Variants in LYSMD1 observed in about 807,000 individuals in gnomAD.
The protein encoded by LYSMD1 is LysM domain containing 1.
In LYSMD1, 9 loss-of-function variants were observed where a neutral mutation model predicts 19.3. That is an observed-to-expected ratio of 0.47 (90% CI 0.28 to 0.81). The LOEUF (loss-of-function observed/expected upper bound fraction) is 0.81, where lower values mean the gene tolerates loss of function less well. Ranked by LOEUF, LYSMD1 falls within the 40% of genes least tolerant of loss-of-function variation. The probability of loss-of-function intolerance (pLI) is 0.11; values close to 1 mark genes in which losing one functional copy is unlikely to be tolerated. For missense variants in LYSMD1, 262 were observed against 279.8 expected, an observed-to-expected ratio of 0.94 and a Z score of 0.45; for synonymous variants, 111 against 111.7, an observed-to-expected ratio of 0.99 and a Z score of 0.04.
downstream of LYSMD1, among the ~76,000 whole-genome samples, chr1:151,156,100 C>CAA (rs751524835): frequency 0.06 from 2,292 of 38,102 alleles, 346 homozygotes; most frequent in African/African-American, 0.1. Flanking sequence ...AACTCTGTCT[C>CAA]AAAAAAAAAA....
At chr1:151,155,432 C>T (rs587631148), downstream of LYSMD1, among the ~76,000 whole-genome samples, 114 of 152,346 alleles carry the variant, frequency 7.5e-4, no homozygotes, top group African/African-American at 2.6e-3. Flanking sequence ...GTTTTTGTCT[C>T]ATTCAACAAC....
chr1:151,162,204 A>C, intron 1 of LYSMD1, 104 bp from the exon 2 acceptor site: 1 of 1,117,714 alleles, frequency 8.9e-7, no homozygotes, highest in Non-Finnish European at 1.3e-6. Flanking sequence ...TTCCATAACA[A>C]CCAAGCTAAA....
chr1:151,161,002 T>C lies in LYSMD1; in HGVS notation c.564A>G (p.Ala188=). ...KGENGVPGED[A]GLHLSSPWMQ... is the part of the protein sequence containing the mutation. Reference sequence around the variant, plus strand: ...TCCAAGGGGAGCTCAGGTGGAGACCTGCATCCTCCCCAGGTACCCTGCAAT... The same window carrying C: ...TCCAAGGGGAGCTCAGGTGGAGACCCGCATCCTCCCCAGGTACCCTGCAAT... Residue 188 remains alanine, a synonymous_variant, in exon 3 of 3, where the codon GCA becomes GCG. Coordinates refer to ENST00000368908, the MANE Select transcript of LYSMD1 (RefSeq NM_212551.5). The C allele has an allele frequency of 6.2e-7, 1 of 1,614,038 alleles. No homozygotes were observed. Among genetic ancestry groups the C allele is most frequent in the South Asian group, 1.1e-5 (1 of 91,072 alleles).
At chr1:151,152,722 CAAACAAAA>C in the LYSMD1 span, among the ~76,000 whole-genome samples, 19 of 151,998 alleles carry the variant, frequency 1.3e-4, no homozygotes, top group East Asian at 1.9e-3. Context: ...ATAAATACCC[CAAACAAAA>C]AAAGAGTAAA....
downstream of LYSMD1, chr1:151,159,128 G>A (rs199843185): frequency 1.4e-5 from 22 of 1,614,006 alleles, no homozygotes; most frequent in Admixed American, 3.3e-5. Context: ...GGCCGCATCC[G>A]CCACGTGTTT....
chr1:151,165,692 G>A lies in LYSMD1; in HGVS notation c.-434C>T, dbSNP rs1683659717. 1.3e-6 allele frequency: 2 copies of A among 1,551,530 alleles called. No individual in the cohort carries two copies. On this transcript the variant is annotated 5_prime_UTR_variant, in exon 1 of 3. Coordinates refer to ENST00000368908, the MANE Select transcript of LYSMD1 (RefSeq NM_212551.5). ...TCAGGAACAAATCAGGCCCACCCCA[G>A]GTGAACTGTCGCCGCAGACGAAGAG... is the stretch of plus-strand genomic sequence containing the variant.
At chr1:151,156,625 G>A (rs1221116554), downstream of LYSMD1, 1 of 152,228 alleles carries the variant, frequency 6.6e-6, no homozygotes, top group Non-Finnish European at 1.5e-5. Context: ...GGCTCAAGGG[G>A]TGGGGCCAAG....
chr1:151,159,237 C>G (rs142224661), downstream of LYSMD1: 12 of 1,611,834 alleles, frequency 7.4e-6, no homozygotes, highest in African/African-American at 1.3e-5. Flanking sequence ...AGCTGCTAGA[C>G]GAAGGGAAGC....
chr1:151,164,678 CTG>C, intron 1 of LYSMD1, among the ~76,000 whole-genome samples: 1 of 152,162 alleles, frequency 6.6e-6, no homozygotes, highest in Non-Finnish European at 1.5e-5. Context: ...ATAAAATTTT[CTG>C]TGTGGTTAAT....
chr1:151,151,541 T>C, the LYSMD1 span, among the ~76,000 whole-genome samples: 2 of 151,868 alleles, frequency 1.3e-5, no homozygotes, highest in Non-Finnish European at 2.9e-5. Flanking sequence ...AATCTAGGTG[T>C]TCAACTCAGG....
chr1:151,165,586 C>T lies in LYSMD1; in HGVS notation c.-328G>A. ...TAGAAATAATCCTCAACACTCTTTC[C>T]TCAGTTTGCCCCCAAGTAGCCTGGC... On this transcript the variant is annotated 5_prime_UTR_variant, in exon 1 of 3. Transcript: ENST00000368908. 1.3e-6 allele frequency: 2 copies of T among 1,493,644 alleles called. No individual in the cohort carries two copies. The highest frequency in any genetic ancestry group is 2.6e-5 in the South Asian group (2 of 76,188). The allele number at this position is 1,493,644 out of a possible 1,614,324, so 92.5% of individuals were successfully genotyped here.
rs1683671663 is a variant in LYSMD1, at chr1:151,165,897, GAA to G, written c.-641_-640del. On this transcript the variant is annotated 5_prime_UTR_variant, in exon 1 of 3. Transcript: ENST00000368908. ...TCCAGTTGAGCGGCAAGGTCTTTGA[GAA>G]AAGACTTCATTTCCCAAAAGGCTCC... The G allele has an allele frequency of 2.1e-6, 2 of 962,622 alleles. No homozygotes were observed. Among genetic ancestry groups the G allele is most frequent in the South Asian group, 2.8e-5 (2 of 70,648 alleles). 59.6% of individuals were successfully genotyped at this position (962,622 alleles called of 1,614,324 possible).
chr1:151,162,013 G>C lies in LYSMD1; in HGVS notation c.268C>G (p.Pro90Ala), dbSNP rs1162378461. 6.2e-7 allele frequency: 1 copy of C among 1,613,660 alleles called. No homozygotes were observed. Among genetic ancestry groups the C allele is most frequent in the Non-Finnish European group, 8.5e-7 (1 of 1,179,954 alleles). Residue 90 changes from proline (P) to alanine (A), a missense_variant, in exon 2 of 3, where the codon CCC becomes GCC. Coordinates refer to ENST00000368908, the MANE Select transcript of LYSMD1 (RefSeq NM_212551.5). ...TCCAAACCATTGAACAGGTCTCTGGGCTCTGTCAGGATGGGGATGTAGAGG... is the reference window on the plus strand; with the variant it reads ...TCCAAACCATTGAACAGGTCTCTGGCCTCTGTCAGGATGGGGATGTAGAGG... The part of the protein sequence containing the change: ...KTLYIPILTE[P>A]RDLFNGLDSE...
downstream of LYSMD1, chr1:151,159,124 A>G (rs750540925): frequency 3.2e-5 from 52 of 1,614,176 alleles, no homozygotes; most frequent in Non-Finnish European, 4.4e-5. Context: ...ACATGGCCGC[A>G]TCCGCCACGT....
At chr1:151,161,575 A>G (rs901388458) in intron 2 of LYSMD1, among the ~76,000 whole-genome samples, 161 bp downstream of exon 2, 2 of 152,060 alleles carry the variant, frequency 1.3e-5, no homozygotes, top group African/African-American at 4.8e-5. Context: ...TACCCAGGCC[A>G]GCAGCCATCA....
chr1:151,157,692 G>A (rs1038364717), downstream of LYSMD1, among the ~76,000 whole-genome samples: 3 of 152,134 alleles, frequency 2.0e-5, no homozygotes, highest in Non-Finnish European at 4.4e-5. Context: ...ATTTCTCTTC[G>A]CTTCAGTTTT....
rs1191449869 is a variant in LYSMD1 at position 151,160,808 on chromosome 1, G to A, written c.*74C>T. 103 of 1,535,212 alleles carry A rather than the reference G, an allele frequency of 6.7e-5. No individual in the cohort carries two copies. The highest frequency in any genetic ancestry group is 8.8e-5 in the Non-Finnish European group (99 of 1,121,684). On this transcript the variant is annotated 3_prime_UTR_variant, in exon 3 of 3. Transcript: ENST00000368908. ...GCAGGCTCATAAGCCATGTTCTTGA[G>A]CCTCACCTCAGGCTCCTCTCCCCCT...
At position 151,165,499 on chromosome 1, in the gene LYSMD1, A is replaced by G. The variant is rs1572072817; in HGVS notation, c.-241T>C. The stretch of plus-strand genomic sequence containing the variant: ...GTCCCTCCCTAATTCTCCCCTAAGC[A>G]CCCCTCCGACTTTGGACTCCCCCAC... On this transcript the variant is annotated 5_prime_UTR_variant, in exon 1 of 3. Coordinates refer to ENST00000368908, the MANE Select transcript of LYSMD1 (RefSeq NM_212551.5). The G allele has an allele frequency of 1.6e-5, 23 of 1,436,554 alleles. No individual in the cohort carries two copies. The South Asian group carries it at 3.1e-4, about 20-fold the overall frequency. 89.0% of individuals were successfully genotyped at this position (1,436,554 alleles called of 1,614,324 possible). A position where few individuals can be genotyped will look rare whatever the true frequency, so the allele number is the denominator to read the frequency against.
downstream of LYSMD1, chr1:151,158,875 A>G: frequency 6.2e-7 from 1 of 1,614,224 alleles, no homozygotes; most frequent in East Asian, 2.2e-5. Context: ...CCAGCGCGTG[A>G]TCAAGGACCT....
Sources: gnomAD v4.1 joint callset for allele counts (sites outside exome capture counted in the v4.1 genomes callset) on GRCh38, gnomAD v4.1.1 for gene constraint, MANE v1.5 for transcripts, NCBI Gene and HGNC (gene_info 2026-07-23, HGNC 2026-07-21) for gene names.